Variants in CATSPERE observed in about 807,000 individuals in gnomAD.
The protein encoded by CATSPERE is cation channel sperm-associated auxiliary subunit epsilon.
CATSPERE carries 93 observed loss-of-function variants against 114.1 expected under a neutral mutation model. The observed-to-expected ratio is 0.81, with a 90% CI of 0.69 to 0.97. The LOEUF is 0.97. Ranked by LOEUF, CATSPERE falls within the 50% of genes least tolerant of loss-of-function variation. The probability of loss-of-function intolerance (pLI) is 0.00; values close to 1 mark genes in which losing one functional copy is unlikely to be tolerated. For synonymous variants in CATSPERE, 341 were observed against 384.1 expected (o/e 0.89, Z 1.31); for missense variants, 1,058 against 1,131.6 (o/e 0.93, Z 0.93).
chr1:244,537,854 T>C (rs1680605909), intron 8 of CATSPERE, among the ~76,000 whole-genome samples: 2 of 152,232 alleles, frequency 1.3e-5, no homozygotes, highest in African/African-American at 4.8e-5. Context: ...AGTCTATAAG[T>C]ATCCATTAAA....
chr1:244,543,001 G>C (rs1436767083), intron 8 of CATSPERE, among the ~76,000 whole-genome samples: 3 of 152,182 alleles, frequency 2.0e-5, no homozygotes, highest in Admixed American at 1.3e-4. Flanking sequence ...AGTATCCCTG[G>C]TACGTTGTTG....
upstream of CATSPERE, among the ~76,000 whole-genome samples, chr1:244,453,130 C>A (rs759730364): frequency 6.6e-6 from 1 of 152,130 alleles, no homozygotes; most frequent in Non-Finnish European, 1.5e-5. Flanking sequence ...TACAATTCAG[C>A]CCTCAAGGAT....
rs1228190816 is a variant in CATSPERE, at chr1:244,463,935, C to T, written c.93C>T (p.Arg31=). The change falls in exon 2 of 22, where the codon CGC becomes CGT. Residue 31 remains arginine, a synonymous_variant. Coordinates refer to ENST00000366534, the MANE Select transcript of CATSPERE (RefSeq NM_001130957.2). Reference sequence around the variant, plus strand: ...ATTCCACTAACAGCCCAAACTATCGCATTTTTAGTACCAGAAGTACTGTAA... The same window carrying T: ...ATTCCACTAACAGCCCAAACTATCGTATTTTTAGTACCAGAAGTACTGTAA... ...WRYSTNSPNY[R]IFSTRSTIKL... 6 of 1,602,538 alleles carry T rather than the reference C, an allele frequency of 3.7e-6. No individual in the cohort carries two copies. Among genetic ancestry groups the T allele is most frequent in the Non-Finnish European group, 5.1e-6 (6 of 1,169,818 alleles).
intron 20 of CATSPERE, among the ~76,000 whole-genome samples, chr1:244,623,659 G>T: frequency 6.6e-6 from 1 of 152,228 alleles, no homozygotes; most frequent in East Asian, 1.9e-4. Flanking sequence ...GCACCCCAGA[G>T]ATACTGTAGG....
intron 8 of CATSPERE, among the ~76,000 whole-genome samples, chr1:244,526,105 C>G (rs1025831417): frequency 3.9e-5 from 6 of 152,190 alleles, no homozygotes; most frequent in Non-Finnish European, 8.8e-5. Context: ...GGACCTTTTC[C>G]TTAATGGTGC....
In CATSPERE at chr1:244,515,966, G is replaced by A. The variant is rs3003280; in HGVS notation, c.430-2626G>A. Among the ~76,000 whole-genome samples, 1,092 of 151,694 alleles carry A rather than the reference G, an allele frequency of 7.2e-3. 13 individuals carry two copies. The highest frequency in any genetic ancestry group is 0.024 in the African/African-American group (1,015 of 41,470). On this transcript the variant is annotated intron_variant, in intron 7 of 21. Transcript: ENST00000366534. ...CCCAGCACTTTGGAAGGCTGAGGCA[G>A]GAGGATTGCCTGAGCCCAGGAGTTC...
At chr1:244,599,224 C>T (rs1005563240) in intron 17 of CATSPERE, among the ~76,000 whole-genome samples, 12 of 152,172 alleles carry the variant, frequency 7.9e-5, no homozygotes, top group Non-Finnish European at 1.6e-4. Context: ...CCCAGACTGA[C>T]ACCTCCACTG....
rs79976362 is a variant in CATSPERE at position 244,538,738 on chromosome 1, C to G, written c.537-13584C>G. On this transcript the variant is annotated intron_variant, in intron 8 of 21. Coordinates refer to ENST00000366534, the MANE Select transcript of CATSPERE (RefSeq NM_001130957.2). Reference sequence around the variant, plus strand: ...GGGAAAGATAGTGGAGCTGGATATTCAACTTTCCCAGCATTCTGGGACCCT... The same window carrying G: ...GGGAAAGATAGTGGAGCTGGATATTGAACTTTCCCAGCATTCTGGGACCCT... 5.8e-3 allele frequency among the ~76,000 whole-genome samples: 877 copies of G among 152,314 alleles called. 7 individuals carry two copies. The highest frequency in any genetic ancestry group is 1.0e-2 in the Non-Finnish European group (677 of 68,032).
chr1:244,470,745 C>G (rs1447533502), intron 2 of CATSPERE, among the ~76,000 whole-genome samples: 1 of 152,076 alleles, frequency 6.6e-6, no homozygotes, highest in Non-Finnish European at 1.5e-5. Context: ...ATAATAGCCC[C>G]CAAGTGCAAA....
At chr1:244,598,583 A>T in intron 17 of CATSPERE, 3 of 351,254 alleles carry the variant, frequency 8.5e-6, no homozygotes, top group Non-Finnish European at 1.2e-5. Flanking sequence ...ACCCACAGAG[A>T]CCATGGAGAT....
chr1:244,505,744 T>C (rs1171829373), intron 7 of CATSPERE, among the ~76,000 whole-genome samples: 1 of 152,050 alleles, frequency 6.6e-6, no homozygotes, highest in African/African-American at 2.4e-5. Flanking sequence ...TGGTGGCTCA[T>C]GCCTGTAATC....
At chr1:244,622,395 C>T (rs1329169727) in intron 20 of CATSPERE, among the ~76,000 whole-genome samples, 1 of 129,636 alleles carries the variant, frequency 7.7e-6, no homozygotes, top group Non-Finnish European at 1.6e-5. Flanking sequence ...AATTTTCTTT[C>T]CTTTTCTTTT....
In CATSPERE at chr1:244,490,469, C is replaced by G. The variant is rs1029909766; in HGVS notation, c.349C>G (p.Gln117Glu). 2.6e-6 allele frequency: 4 copies of G among 1,522,418 alleles called. No individual in the cohort carries two copies. The allele number at this position is 1,522,418 out of a possible 1,614,324, so 94.3% of individuals were successfully genotyped here. A position where few individuals can be genotyped will look rare whatever the true frequency, so the allele number is the denominator to read the frequency against. Residue 117 changes from glutamine (Q) to glutamate (E), a missense_variant and splice_region_variant, in exon 6 of 22, where the codon CAG becomes GAG. By Grantham distance (29) the Gln-to-Glu change is conservative. Around this residue, in one of 2 missense-constraint regions of CATSPERE, gnomAD observed 271 missense variants for 225.9 expected, o/e 1.20. Coordinates refer to ENST00000366534, the MANE Select transcript of CATSPERE (RefSeq NM_001130957.2). ...RVRHFFNNFT[Q>E]LITVWAYDPE... is the part of the protein sequence containing the mutation. ...CAGACATTTCTTTAACAACTTTACCCAGGTAAAATATTTTTTAAATTTTGT... is the reference window on the plus strand; with the variant it reads ...CAGACATTTCTTTAACAACTTTACCGAGGTAAAATATTTTTTAAATTTTGT...
intron 8 of CATSPERE, among the ~76,000 whole-genome samples, chr1:244,536,049 TGTC>T (rs543434566): frequency 1.3e-5 from 2 of 151,902 alleles, no homozygotes; most frequent in South Asian, 4.1e-4. Context: ...TGTCTGGAAA[TGTC>T]GTCTAGGAAC....
chr1:244,504,276 C>T lies in CATSPERE; in HGVS notation c.429+5197C>T, dbSNP rs1174156654. On this transcript the variant is annotated intron_variant, in intron 7 of 21. Transcript: ENST00000366534. This position sits in a 1 kb window ranked among gnomAD's most constrained non-coding sequence, Gnocchi z 4.1. Reference sequence around the variant, plus strand: ...AAATATAAGGTTTCTATGTCCTCACCTTGCATTCATTCACTTTTCAAAAAC... The same window carrying T: ...AAATATAAGGTTTCTATGTCCTCACTTTGCATTCATTCACTTTTCAAAAAC... Among the ~76,000 whole-genome samples the T allele has an allele frequency of 1.3e-5, 2 of 152,140 alleles. No homozygotes were observed. Among genetic ancestry groups the T allele is most frequent in the African/African-American group, 4.8e-5 (2 of 41,430 alleles).
intron 12 of CATSPERE, 112 bp downstream of exon 12, chr1:244,581,966 T>A (rs956407801): frequency 1.6e-5 from 8 of 487,946 alleles, no homozygotes; most frequent in African/African-American, 1.2e-4. Context: ...ATATTCAAAT[T>A]TCAGATTCCT....
chr1:244,462,698 CTTTT>C (rs926454471), intron 1 of CATSPERE, among the ~76,000 whole-genome samples: 8 of 151,968 alleles, frequency 5.3e-5, no homozygotes, highest in African/African-American at 1.9e-4. Context: ...AAATACATGA[CTTTT>C]TTTTAATTCG....
In CATSPERE at chr1:244,621,103, T is replaced by TATTTATA. The variant is rs1558609384; in HGVS notation, c.2648+3418_2648+3419insTTTATAA. ...TATATAAATATATATAAAATATATA[T>TATTTATA]AAATATATATATAATATATATATAA... On this transcript the variant is annotated intron_variant, in intron 20 of 21. Coordinates refer to ENST00000366534, the MANE Select transcript of CATSPERE (RefSeq NM_001130957.2). Among the ~76,000 whole-genome samples the TATTTATA allele has an allele frequency of 2.5e-4, 6 of 24,198 alleles. 3 individuals carry two copies. Among genetic ancestry groups the TATTTATA allele is most frequent in the Admixed American group, 1.6e-3 (2 of 1,282 alleles). 15.9% of individuals were successfully genotyped at this position (24,198 alleles called of 152,430 possible). A position where few individuals can be genotyped will look rare whatever the true frequency, so the allele number is the denominator to read the frequency against.
intron 8 of CATSPERE, among the ~76,000 whole-genome samples, chr1:244,523,888 A>G (rs1487679451): frequency 6.7e-6 from 1 of 148,554 alleles, no homozygotes; most frequent in Admixed American, 6.7e-5. Flanking sequence ...GGAAGAATCA[A>G]TATCGTGAAA....
Sources: gnomAD v4.1 joint callset for allele counts (sites outside exome capture counted in the v4.1 genomes callset) on GRCh38, gnomAD v4.1.1 for gene constraint, gnomAD v4.1.1 regional missense constraint, Gnocchi (gnomAD v3.1) non-coding constraint, MANE v1.5 for transcripts, NCBI Gene and HGNC (gene_info 2026-07-23, HGNC 2026-07-21) for gene names.